The following TRPC1 variants were observed in gnomAD, a reference collection of about 807,000 sequenced individuals.
The protein encoded by TRPC1 is short transient receptor potential channel 1.
TRPC1 carries 42 observed loss-of-function variants against 88.2 expected under a neutral mutation model. That is an observed-to-expected ratio of 0.48 (90% confidence interval 0.37 to 0.62). The LOEUF is 0.62. Ranked by LOEUF, TRPC1 falls within the 20% of genes least tolerant of loss-of-function variation. The pLI is 0.00. For missense variants in TRPC1, 699 were observed against 957.3 expected (o/e 0.73, Z 3.56); for synonymous variants, 288 against 331.8 (o/e 0.87, Z 1.43).
At chr3:142,801,323 T>A (rs1182840415) in intron 9 of TRPC1, 1 of 145,252 alleles carries the variant, frequency 6.9e-6, no homozygotes, top group East Asian at 2.1e-4. Context: ...TTTTCTAAAA[T>A]TTTTTTGCTA....
intron 4 of TRPC1, among the ~76,000 whole-genome samples, chr3:142,756,894 T>C (rs1276446921): frequency 6.6e-6 from 1 of 152,196 alleles, no homozygotes; most frequent in African/African-American, 2.4e-5. Flanking sequence ...ATACATCCCA[T>C]TCTTTCCTGG....
Position 142,784,972 on chromosome 3 carries a change from A to G in TRPC1, c.1229A>G (p.Glu410Gly). The change falls in exon 7 of 13, where the codon GAG becomes GGG. Residue 410 changes from glutamate (E) to glycine (G), a missense_variant. Glu to Gly is a moderately conservative substitution (Grantham distance 98). Around this residue, in one of 4 missense-constraint regions of TRPC1, gnomAD observed 426 missense variants for 641.3 expected, o/e 0.66. Coordinates refer to ENST00000476941, the MANE Select transcript of TRPC1 (RefSeq NM_001251845.2). ...AATCTATACTCTCTTGTCTACAATG[A>G]GGATAAGAAAAACACAATGGGGCCA... ...LLNLYSLVYN[E>G]DKKNTMGPAL... 6.2e-7 allele frequency: 1 copy of G among 1,613,872 alleles called. No individual in the cohort carries two copies. The highest frequency in any genetic ancestry group is 8.5e-7 in the Non-Finnish European group (1 of 1,179,942).
chr3:142,744,197 A>C (rs910524911), intron 3 of TRPC1, among the ~76,000 whole-genome samples: 1 of 152,152 alleles, frequency 6.6e-6, no homozygotes, highest in Non-Finnish European at 1.5e-5. Flanking sequence ...TCTTAATGAT[A>C]ATCAAATACA....
intron 7 of TRPC1, among the ~76,000 whole-genome samples, chr3:142,787,898 T>C (rs999656292): frequency 6.6e-6 from 1 of 152,112 alleles, no homozygotes; most frequent in Non-Finnish European, 1.5e-5. Context: ...CTGAGAGAAC[T>C]GGGAGAGGAA....
Position 142,792,337 on chromosome 3 carries a change from T to G in TRPC1, c.1438-487T>G, listed in dbSNP as rs989218159. The stretch of plus-strand genomic sequence containing the variant: ...GGACAACTGGTACAGCATCTTAAAC[T>G]ATCCCAGGCAATGGGGACAATTGAC... On this transcript the variant is annotated intron_variant, in intron 8 of 12. Transcript: ENST00000476941. The surrounding 1 kb of genome is among the most constrained non-coding windows in gnomAD (Gnocchi z 4.0). Among the ~76,000 whole-genome samples, 7 of 152,042 alleles carry G rather than the reference T, an allele frequency of 4.6e-5. No homozygotes were observed.
At chr3:142,737,701 T>A (rs941560843) in intron 2 of TRPC1, among the ~76,000 whole-genome samples, 1 of 152,064 alleles carries the variant, frequency 6.6e-6, no homozygotes, top group Non-Finnish European at 1.5e-5. Flanking sequence ...TTAACAGAGG[T>A]CAACAGCATT....
intron 4 of TRPC1, among the ~76,000 whole-genome samples, chr3:142,774,885 G>T (rs1210473879): frequency 6.6e-6 from 1 of 152,064 alleles, no homozygotes; most frequent in Admixed American, 6.6e-5. Context: ...AATACAAATG[G>T]TTACCAATCT....
rs200832557 is a variant in TRPC1 at position 142,806,139 on chromosome 3, C to A, written c.2286C>A (p.Asn762Lys). ...STDQATVENL[N>K]ELRQDLSKFR... is the part of the protein sequence containing the mutation. ...ATCAGGCAACTGTGGAAAATCTAAA[C>A]GAACTGCGCCAAGATCTGTCAAAAT... Residue 762 changes from asparagine (N) to lysine (K), a missense_variant, in exon 13 of 13, where the codon AAC becomes AAA. Physicochemically the swap from Asn to Lys is moderately conservative, Grantham distance 94. This residue lies in a region of TRPC1 where 105 missense variants were observed against 141.7 expected (regional missense o/e 0.74). Coordinates refer to ENST00000476941, the MANE Select transcript of TRPC1 (RefSeq NM_001251845.2). 6.2e-7 allele frequency: 1 copy of A among 1,613,740 alleles called. No homozygotes were observed. The highest frequency in any genetic ancestry group is 1.1e-5 in the South Asian group (1 of 91,048).
In TRPC1 at chr3:142,724,816, A is replaced by T; in HGVS notation, c.172+85A>T. 1 of 1,411,652 alleles carries T rather than the reference A, an allele frequency of 7.1e-7. No individual in the cohort carries two copies. The highest frequency in any genetic ancestry group is 1.5e-5 in the African/African-American group (1 of 67,192). 87.4% of individuals were successfully genotyped at this position (1,411,652 alleles called of 1,614,324 possible). ...CCCCCGCCTCAACTTATATCGGGGC[A>T]TTCCCTCTGTCTCAGGCGCCGAGTG... On this transcript the variant is annotated intron_variant, in intron 1 of 12. Transcript: ENST00000476941. The surrounding 1 kb of genome is among the most constrained non-coding windows in gnomAD (Gnocchi z 5.6).
intron 4 of TRPC1, among the ~76,000 whole-genome samples, chr3:142,755,637 G>A (rs1227356366): frequency 6.6e-6 from 1 of 151,908 alleles, no homozygotes; most frequent in Admixed American, 6.6e-5. Flanking sequence ...ACATATTTAG[G>A]TTGAACCATA....
chr3:142,726,364 AAG>A (rs1326007423), intron 1 of TRPC1, among the ~76,000 whole-genome samples: 8 of 151,564 alleles, frequency 5.3e-5, no homozygotes, highest in Non-Finnish European at 1.0e-4. Flanking sequence ...TCTCAAACAA[AAG>A]AGAGTTTTAA....
intron 3 of TRPC1, among the ~76,000 whole-genome samples, chr3:142,745,140 G>T (rs1035009787): frequency 4.6e-5 from 7 of 152,156 alleles, no homozygotes; most frequent in African/African-American, 1.4e-4. Context: ...GGAACAAAAG[G>T]CTAAGAATAT....
chr3:142,771,508 T>G lies in TRPC1; in HGVS notation c.633-6124T>G, dbSNP rs1935576197. On this transcript the variant is annotated intron_variant, in intron 4 of 12. Transcript: ENST00000476941. Reference sequence around the variant, plus strand: ...TTATACCAGCTTAATGCCAATAACATATGAAAATGTTACTCCTATACATCT... The same window carrying G: ...TTATACCAGCTTAATGCCAATAACAGATGAAAATGTTACTCCTATACATCT... Among the ~76,000 whole-genome samples the G allele has an allele frequency of 2.0e-5, 3 of 152,272 alleles. No homozygotes were observed. The South Asian group carries it at 6.2e-4, about 32-fold the overall frequency.
chr3:142,762,452 C>T (rs1177000725), intron 4 of TRPC1, among the ~76,000 whole-genome samples: 53 of 94,430 alleles, frequency 5.6e-4, no homozygotes, highest in African/African-American at 2.0e-3. Context: ...TTTTTTTTGA[C>T]GGAGTCTCGC....
chr3:142,763,975 T>TCAA (rs1935284793), intron 4 of TRPC1, among the ~76,000 whole-genome samples: 1 of 68,574 alleles, frequency 1.5e-5, no homozygotes, highest in African/African-American at 1.3e-4. Flanking sequence ...TATATATATA[T>TCAA]ATATATATAC....
Position 142,724,528 on chromosome 3 carries a change from C to G in TRPC1, c.-32C>G. On this transcript the variant is annotated 5_prime_UTR_variant, in exon 1 of 13. Coordinates refer to ENST00000476941, the MANE Select transcript of TRPC1 (RefSeq NM_001251845.2). This position sits in a 1 kb window ranked among gnomAD's most constrained non-coding sequence, Gnocchi z 5.6. ...TCGGGGCCGGTGGGGGCCCCGCCCC[C>G]GTCTCCTGGCCTGCCCCCTTCATGG... The G allele has an allele frequency of 6.7e-7, 1 of 1,491,364 alleles. No homozygotes were observed. The highest frequency in any genetic ancestry group is 8.9e-7 in the Non-Finnish European group (1 of 1,127,174). The allele number at this position is 1,491,364 out of a possible 1,614,324, so 92.4% of individuals were successfully genotyped here.
At chr3:142,782,331 G>A (rs1577993921) in intron 6 of TRPC1, among the ~76,000 whole-genome samples, 2 of 152,114 alleles carry the variant, frequency 1.3e-5, no homozygotes, top group African/African-American at 2.4e-5. Context: ...GATATTTTGC[G>A]ATTTTAAAGA....
At chr3:142,773,031 A>C (rs1384072517) in intron 4 of TRPC1, among the ~76,000 whole-genome samples, 2 of 152,072 alleles carry the variant, frequency 1.3e-5, no homozygotes, top group Non-Finnish European at 2.9e-5. Context: ...ACCTACCTTG[A>C]GGTTTTCATT....
At chr3:142,749,818 G>A (rs937373478) in intron 4 of TRPC1, among the ~76,000 whole-genome samples, 2 of 152,100 alleles carry the variant, frequency 1.3e-5, no homozygotes, top group Non-Finnish European at 1.5e-5. Context: ...AGCAAGCAAC[G>A]GGGAAAGGAT....
Sources: allele counts gnomAD v4.1 joint callset (sites outside exome capture counted in the v4.1 genomes callset), GRCh38; gene constraint gnomAD v4.1.1; regional missense constraint gnomAD v4.1.1; non-coding constraint Gnocchi (gnomAD v3.1); transcripts MANE v1.5; gene names NCBI Gene and HGNC (gene_info 2026-07-23, HGNC 2026-07-21).